MIGA1: variants seen among roughly 807,000 people sequenced by gnomAD.
The protein encoded by MIGA1 is family with sequence similarity 73, member A.
A neutral mutation model predicts 82.0 loss-of-function variants in MIGA1; 58 were observed. The ratio of observed to expected loss-of-function variants is 0.71; its 90% CI spans 0.57 to 0.88. MIGA1 has a LOEUF of 0.88. MIGA1 is among the 40% of genes least tolerant of loss of function. MIGA1 has a pLI of 0.00. For missense variants in MIGA1, 751 were observed against 749.1 expected, an observed-to-expected ratio of 1.00 and a Z score of -0.03; for synonymous variants, 249 against 253.6, an observed-to-expected ratio of 0.98 and a Z score of 0.17.
At chr1:77,791,537 A>T (rs1378018677) in intron 2 of MIGA1, among the ~76,000 whole-genome samples, 3 of 150,548 alleles carry the variant, frequency 2.0e-5, no homozygotes, top group African/African-American at 7.3e-5. Flanking sequence ...TCTGGGATAA[A>T]TGCTCAGAAG....
At chr1:77,848,055 C>A in intron 8 of MIGA1, 3 of 1,290,428 alleles carry the variant, frequency 2.3e-6, no homozygotes, top group Non-Finnish European at 3.4e-6. Context: ...GAAAGGATCA[C>A]GAACATCGAG....
At chr1:77,815,064 C>T in intron 6 of MIGA1, 44 bp from the exon 7 acceptor site, 7 of 1,304,356 alleles carry the variant, frequency 5.4e-6, no homozygotes, top group Non-Finnish European at 6.2e-6. Flanking sequence ...AGAATTTTAA[C>T]ATTAGAATTT....
intron 7 of MIGA1, among the ~76,000 whole-genome samples, chr1:77,826,808 C>A (rs905037785): frequency 2.6e-5 from 4 of 151,662 alleles, no homozygotes; most frequent in African/African-American, 9.7e-5. Context: ...ACAAAAAGAG[C>A]CTTTTTTTTT....
chr1:77,864,056 TTTTAAG>T, intron 13 of MIGA1, 28 bp downstream of exon 13: 1 of 1,596,798 alleles, frequency 6.3e-7, no homozygotes, highest in Non-Finnish European at 8.5e-7. Flanking sequence ...TTTCTCAGCC[TTTTAAG>T]TTTGATTAAA....
rs554028156 is a variant in MIGA1, at chr1:77,814,682, TTCTCA to T, written c.772-425_772-421del. Among the ~76,000 whole-genome samples the T allele has an allele frequency of 1.6e-3, 250 of 152,312 alleles. 1 individual carries two copies. The highest frequency in any genetic ancestry group is 2.9e-3 in the Non-Finnish European group (195 of 68,034). ...ATTGATTATTTAGTTAAGCTAGTGG[TTCTCA>T]AACTTGAGAATGCATAAGAATCACC... On this transcript the variant is annotated intron_variant, in intron 6 of 15. Transcript: ENST00000370791.
chr1:77,804,061 A>G (rs1682993710), intron 4 of MIGA1, among the ~76,000 whole-genome samples: 1 of 152,212 alleles, frequency 6.6e-6, no homozygotes, highest in African/African-American at 2.4e-5. Flanking sequence ...ATATCCACAA[A>G]AATCAAAAAT....
intron 4 of MIGA1, among the ~76,000 whole-genome samples, chr1:77,803,670 T>C (rs1188820817): frequency 6.6e-6 from 1 of 152,210 alleles, no homozygotes; most frequent in East Asian, 1.9e-4. Context: ...AAATTAGATG[T>C]TCTTGTTTTC....
intron 8 of MIGA1, among the ~76,000 whole-genome samples, chr1:77,844,292 A>G (rs558262097): frequency 3.1e-4 from 23 of 74,042 alleles, no homozygotes; most frequent in Non-Finnish European, 9.6e-4. Flanking sequence ...TTATAAAGCT[A>G]TAAACATGTT....
intron 2 of MIGA1, among the ~76,000 whole-genome samples, chr1:77,783,891 T>A (rs187116422): frequency 3.2e-4 from 49 of 152,322 alleles, no homozygotes; most frequent in African/African-American, 1.1e-3. Flanking sequence ...TTCGACCAGG[T>A]ACCTCACAAG....
chr1:77,847,999 C>A, intron 8 of MIGA1: 1 of 1,228,904 alleles, frequency 8.1e-7, no homozygotes, highest in Non-Finnish European at 1.2e-6. Flanking sequence ...CAAAACCACT[C>A]TCAGTCACCT....
intron 7 of MIGA1, among the ~76,000 whole-genome samples, chr1:77,834,215 G>A (rs1223024439): frequency 1.3e-5 from 2 of 151,308 alleles, no homozygotes. Context: ...TCACTCTGTT[G>A]TCCAGGCTGG....
rs138084686 is a variant in MIGA1, at chr1:77,813,737, T to C, written c.641T>C (p.Met214Thr). ...TTGTTCTGTTCTTAATTTTTAGGTATGGAATTGTTTGAAGAGGCATTGCGT... is the reference window on the plus strand; with the variant it reads ...TTGTTCTGTTCTTAATTTTTAGGTACGGAATTGTTTGAAGAGGCATTGCGT... The change falls in exon 6 of 16, where the codon ATG becomes ACG. Residue 214 changes from methionine (M) to threonine (T), a missense_variant. Physicochemically the swap from Met to Thr is moderately conservative, Grantham distance 81. Coordinates refer to ENST00000370791, the MANE Select transcript of MIGA1 (RefSeq NM_198549.4). 1.2e-6 allele frequency: 2 copies of C among 1,613,678 alleles called. No individual in the cohort carries two copies. Among genetic ancestry groups the C allele is most frequent in the African/African-American group, 2.7e-5 (2 of 74,902 alleles).
At chr1:77,812,548 G>GT (rs1312625419) in intron 5 of MIGA1, among the ~76,000 whole-genome samples, 1 of 152,080 alleles carries the variant, frequency 6.6e-6, no homozygotes. Flanking sequence ...GAGAGGAGAG[G>GT]TATTTTTTAG....
chr1:77,805,292 G>T (rs1683050971), intron 4 of MIGA1, among the ~76,000 whole-genome samples: 1 of 151,868 alleles, frequency 6.6e-6, no homozygotes, highest in South Asian at 2.1e-4. Flanking sequence ...ACCACACCCG[G>T]TCCCTTGCTT....
intron 7 of MIGA1, among the ~76,000 whole-genome samples, chr1:77,825,519 G>A (rs553281754): frequency 1.7e-4 from 26 of 152,158 alleles, no homozygotes; most frequent in Admixed American, 4.6e-4. Flanking sequence ...GTTGCTACTT[G>A]TAGCACTGGG....
chr1:77,865,102 C>T (rs768166639), intron 13 of MIGA1, among the ~76,000 whole-genome samples: 32 of 151,048 alleles, frequency 2.1e-4, no homozygotes, highest in Non-Finnish European at 1.8e-4. Flanking sequence ...TTGATCAAAG[C>T]TGGGTCATGC....
chr1:77,798,786 T>C (rs1682763035), intron 2 of MIGA1, among the ~76,000 whole-genome samples: 1 of 152,206 alleles, frequency 6.6e-6, no homozygotes, highest in South Asian at 2.1e-4. Flanking sequence ...ATTCTTACTT[T>C]AATTATATCA....
chr1:77,812,348 A>T (rs916185476), intron 5 of MIGA1, among the ~76,000 whole-genome samples: 1 of 152,114 alleles, frequency 6.6e-6, no homozygotes, highest in African/African-American at 2.4e-5. Context: ...ACATGTCTGT[A>T]ATCCCAGTTA....
chr1:77,812,267 G>A (rs1454755228), intron 5 of MIGA1, among the ~76,000 whole-genome samples: 3 of 152,122 alleles, frequency 2.0e-5, no homozygotes, highest in African/African-American at 7.2e-5. Flanking sequence ...TCAGGAGTTC[G>A]AGACCAGTGT....
Sources: gnomAD v4.1 joint callset for allele counts (sites outside exome capture counted in the v4.1 genomes callset) on GRCh38, gnomAD v4.1.1 for gene constraint, MANE v1.5 for transcripts, NCBI Gene and HGNC (gene_info 2026-07-23, HGNC 2026-07-21) for gene names.